The following MICAL3 variants were observed in gnomAD, a reference collection of about 807,000 sequenced individuals.
MICAL3 encodes [F-actin]-monooxygenase MICAL3.
A neutral mutation model predicts 207.4 loss-of-function variants in MICAL3; 62 were observed. The observed-to-expected ratio is 0.30, with a 90% CI of 0.24 to 0.37. The LOEUF is 0.37. Among genes scored for constraint, MICAL3 ranks in the 10% least tolerant of loss-of-function variants. The pLI is 1.00. For missense variants in MICAL3, 2,368 were observed against 2,635.6 expected, an observed-to-expected ratio of 0.90 and a Z score of 2.22; for synonymous variants, 1,077 against 1,069.3, an observed-to-expected ratio of 1.01 and a Z score of -0.14.
chr22:17,896,686 T>A (rs757739082), intron 8 of MICAL3, 38 bp downstream of exon 8: 2 of 1,599,034 alleles, frequency 1.3e-6, no homozygotes, highest in South Asian at 2.2e-5. Context: ...TAATTATTCC[T>A]GCCCCTACCA....
In MICAL3 at chr22:17,846,623, G is replaced by A. The variant is rs532821824; in HGVS notation, c.2606-4606C>T. Among the ~76,000 whole-genome samples the A allele has an allele frequency of 5.3e-5, 8 of 152,306 alleles. No homozygotes were observed. In the East Asian group the frequency reaches 7.7e-4, roughly 15 times the overall value. On this transcript the variant is annotated intron_variant, in intron 19 of 31. Coordinates refer to ENST00000441493, the MANE Select transcript of MICAL3 (RefSeq NM_015241.3). ...AGCAGGAGTGCAGATGTAAACAAGC[G>A]CTTTGCAAGGTGCTGGATTGCCAAG...
intron 19 of MICAL3, among the ~76,000 whole-genome samples, chr22:17,858,998 C>T (rs748120585): frequency 9.2e-5 from 14 of 152,200 alleles, no homozygotes; most frequent in Non-Finnish European, 2.1e-4. Context: ...CTCCCTTCTG[C>T]AGGCACTAGG....
intron 5 of MICAL3, 70 bp from the exon 6 acceptor site, chr22:17,901,067 G>A: frequency 2.7e-6 from 4 of 1,482,410 alleles, no homozygotes; most frequent in Non-Finnish European, 9.4e-7. Flanking sequence ...AGATAAAGTG[G>A]GGGTGCTGAT....
rs1931383369 is a variant in MICAL3 at position 17,902,187 on chromosome 22, C to T, written c.590-208G>A. Among the ~76,000 whole-genome samples the T allele has an allele frequency of 6.6e-6, 1 of 152,122 alleles. No homozygotes were observed. Among genetic ancestry groups the T allele is most frequent in the Non-Finnish European group, 1.5e-5 (1 of 68,004 alleles). ...GCAGAGGCTGGCAGACTACTTGAGG[C>T]CAGGAGTTCGAGACCACCCTGGCCA... On this transcript the variant is annotated intron_variant, in intron 4 of 31. Transcript: ENST00000441493. The surrounding 1 kb of genome is among the most constrained non-coding windows in gnomAD (Gnocchi z 4.5).
intron 1 of MICAL3, among the ~76,000 whole-genome samples, chr22:17,943,945 T>C (rs1933929186): frequency 6.6e-6 from 1 of 152,098 alleles, no homozygotes; most frequent in African/African-American, 2.4e-5. Flanking sequence ...ACAAAAACCT[T>C]TCTATGGAAA....
chr22:17,894,372 G>A (rs551457802), intron 10 of MICAL3, among the ~76,000 whole-genome samples: 2 of 147,784 alleles, frequency 1.4e-5, no homozygotes, highest in Admixed American at 1.4e-4. Flanking sequence ...AGAGAGCCTG[G>A]GCAACAAAGC....
At chr22:17,794,332 G>A (rs976696296) in intron 29 of MICAL3, among the ~76,000 whole-genome samples, 2 of 152,242 alleles carry the variant, frequency 1.3e-5, no homozygotes, top group Non-Finnish European at 2.9e-5. Context: ...AGGCTTGCAG[G>A]TGACAACCTG....
intron 1 of MICAL3, among the ~76,000 whole-genome samples, chr22:17,910,598 C>T (rs762951193): frequency 6.6e-6 from 1 of 152,158 alleles, no homozygotes; most frequent in Non-Finnish European, 1.5e-5. Flanking sequence ...GCGACCGGCA[C>T]CCAAGGTAAG....
intron 27 of MICAL3, chr22:17,811,152 G>A (rs1333953095): frequency 1.0e-5 from 2 of 195,212 alleles, no homozygotes; most frequent in South Asian, 1.2e-4. Flanking sequence ...AGGGACACAC[G>A]CTCCTTTATC....
At chr22:17,882,067 G>T (rs556059929) in intron 16 of MICAL3, among the ~76,000 whole-genome samples, 3 of 152,190 alleles carry the variant, frequency 2.0e-5, no homozygotes, top group African/African-American at 7.2e-5. Flanking sequence ...GGGGAGCAGG[G>T]AAGCCACGAG....
Position 17,841,750 on chromosome 22 carries a change from C to G in MICAL3, c.2801+72G>C, listed in dbSNP as rs117558578. ...AGGCCTCCCTTCACTGAGAAGAAACCGAGACACACAGAGGTGAGGAGGCTC... is the reference window on the plus strand; with the variant it reads ...AGGCCTCCCTTCACTGAGAAGAAACGGAGACACACAGAGGTGAGGAGGCTC... On this transcript the variant is annotated intron_variant, in intron 20 of 31. Coordinates refer to ENST00000441493, the MANE Select transcript of MICAL3 (RefSeq NM_015241.3). This position sits in a 1 kb window ranked among gnomAD's most constrained non-coding sequence, Gnocchi z 4.2. 1 of 1,468,254 alleles carries G rather than the reference C, an allele frequency of 6.8e-7. No individual in the cohort carries two copies. Among genetic ancestry groups the G allele is most frequent in the Non-Finnish European group, 9.2e-7 (1 of 1,081,670 alleles). 91.0% of individuals were successfully genotyped at this position (1,468,254 alleles called of 1,614,324 possible).
At position 17,899,548 on chromosome 22, in the gene MICAL3, C is replaced by A. The variant is rs1464854627; in HGVS notation, c.848G>T (p.Gly283Val). Residue 283 changes from glycine (G) to valine (V), a missense_variant and splice_region_variant, in exon 7 of 32, where the codon GGT becomes GTT. Physicochemically the swap from Gly to Val is moderately radical, Grantham distance 109 (BLOSUM62 -3). Transcript: ENST00000441493. ...GTAAACGATGTTCTCCAAGTCAATA[C>A]CTGGGGCCAGAAGACAAACGTGTGC... ...KFFQELREATGIDLENIVYYK... is the reference protein window; with the variant it reads ...KFFQELREATVIDLENIVYYK... 2 of 1,588,756 alleles carry A rather than the reference C, an allele frequency of 1.3e-6. No homozygotes were observed. The highest frequency in any genetic ancestry group is 1.8e-5 in the Admixed American group (1 of 57,024).
At chr22:17,873,580 G>A (rs1280060147) in intron 16 of MICAL3, among the ~76,000 whole-genome samples, 1 of 152,250 alleles carries the variant, frequency 6.6e-6, no homozygotes, top group African/African-American at 2.4e-5. Flanking sequence ...CACGAGGTGT[G>A]GCCATGCAGC....
chr22:17,816,022 G>C (rs1009837477), intron 27 of MICAL3, among the ~76,000 whole-genome samples: 2 of 152,216 alleles, frequency 1.3e-5, no homozygotes, highest in South Asian at 2.1e-4. Context: ...AGGAGCACAG[G>C]CCCCAGGGCT....
Position 17,902,091 on chromosome 22 carries a change from C to A in MICAL3, c.590-112G>T, listed in dbSNP as rs530665741. On this transcript the variant is annotated intron_variant, in intron 4 of 31. Coordinates refer to ENST00000441493, the MANE Select transcript of MICAL3 (RefSeq NM_015241.3). The surrounding 1 kb of genome is among the most constrained non-coding windows in gnomAD (Gnocchi z 4.5). ...TGCACAAAACCCTGGGCCAAAAACA[C>A]TATGTGTAGAAGCAGTGGAGACAGA... is the stretch of plus-strand genomic sequence containing the variant. 6.9e-6 allele frequency: 5 copies of A among 724,082 alleles called. No individual in the cohort carries two copies. The highest frequency in any genetic ancestry group is 2.6e-4 in the Middle Eastern group (1 of 3,850). 44.9% of individuals were successfully genotyped at this position (724,082 alleles called of 1,614,324 possible).
At chr22:17,868,038 A>G (rs953472884) in intron 17 of MICAL3, among the ~76,000 whole-genome samples, 15 of 152,220 alleles carry the variant, frequency 9.9e-5, no homozygotes, top group Admixed American at 2.6e-4. Flanking sequence ...AAGTCCTCCA[A>G]GCCTAATCAA....
chr22:17,899,437 C>CCGTGG lies in MICAL3; in HGVS notation c.948+6_948+10dup. The CCGTGG allele has an allele frequency of 6.4e-7, 1 of 1,556,078 alleles. No homozygotes were observed. The highest frequency in any genetic ancestry group is 8.8e-7 in the Non-Finnish European group (1 of 1,132,642). On this transcript the variant is annotated intron_variant, in intron 7 of 31. Transcript: ENST00000441493. ...AATAAGAAAGAGTTTTGAAGGAAAT[C>CCGTGG]CGTGGCTCACATGTAGTATCACTCC...
chr22:17,994,987 C>T (rs1922117739), intron 1 of MICAL3, among the ~76,000 whole-genome samples: 1 of 152,096 alleles, frequency 6.6e-6, no homozygotes, highest in Non-Finnish European at 1.5e-5. Context: ...TAGATTCCCT[C>T]ACACATAACA....
chr22:17,877,324 G>C (rs111220780), intron 16 of MICAL3, among the ~76,000 whole-genome samples: 6 of 21,332 alleles, frequency 2.8e-4, no homozygotes, highest in East Asian at 3.2e-3. Context: ...AGGGAGGTTA[G>C]GGAGGTTATG....
Sources: gnomAD v4.1 joint callset for allele counts (sites outside exome capture counted in the v4.1 genomes callset) on GRCh38, gnomAD v4.1.1 for gene constraint, Gnocchi (gnomAD v3.1) non-coding constraint, MANE v1.5 for transcripts, NCBI Gene and HGNC (gene_info 2026-07-23, HGNC 2026-07-21) for gene names.